PIK3C2A: variants seen among roughly 807,000 people sequenced by gnomAD.
PIK3C2A encodes the protein phosphatidylinositol 4-phosphate 3-kinase C2 domain-containing subunit alpha.
In PIK3C2A, 97 loss-of-function variants were observed where a neutral mutation model predicts 204.5. The observed-to-expected ratio is 0.47, with a 90% CI of 0.40 to 0.56. The LOEUF is 0.56. PIK3C2A is among the 20% of genes least tolerant of loss of function. The probability of loss-of-function intolerance (pLI) is 0.00; values close to 1 mark genes in which losing one functional copy is unlikely to be tolerated. For synonymous variants in PIK3C2A, 653 were observed against 664.4 expected (o/e 0.98, Z 0.26); for missense variants, 1,735 against 1,969.2 (o/e 0.88, Z 2.25).
rs913112185 is a variant in PIK3C2A at position 17,129,450 on chromosome 11, T to C, written c.2249A>G (p.Gln750Arg). ...KWDELIIFPI[Q>R]ISQLPLESVL... ...TGATTCTAATGGCAATTGTGATATCTGGATAGGAAAAATGATTCTATGGGG... is the reference window on the plus strand; with the variant it reads ...TGATTCTAATGGCAATTGTGATATCCGGATAGGAAAAATGATTCTATGGGG... The change falls in exon 13 of 33, where the codon CAG (glutamine) becomes CGG (arginine). Residue 750 changes from glutamine to arginine, a missense_variant. This residue lies in a region of PIK3C2A where 567 missense variants were observed against 576.0 expected (regional missense o/e 0.98). Coordinates refer to ENST00000691414, the MANE Select transcript of PIK3C2A (RefSeq NM_002645.4). 2 of 1,603,236 alleles carry C rather than the reference T, an allele frequency of 1.2e-6. No individual in the cohort carries two copies. Among genetic ancestry groups the C allele is most frequent in the African/African-American group, 1.3e-5 (1 of 74,754 alleles).
At chr11:17,139,006 C>G (rs1279319892) in intron 8 of PIK3C2A, among the ~76,000 whole-genome samples, 1 of 151,858 alleles carries the variant, frequency 6.6e-6, no homozygotes, top group African/African-American at 2.4e-5. Flanking sequence ...CTCCCAGGTT[C>G]AAGCGTTTCT....
chr11:17,106,033 C>T (rs1021825993), intron 22 of PIK3C2A, among the ~76,000 whole-genome samples: 1 of 151,692 alleles, frequency 6.6e-6, no homozygotes, highest in Non-Finnish European at 1.5e-5. Flanking sequence ...CCCTTGAACC[C>T]AGGAGGCAGA....
At chr11:17,180,644 A>C (rs753134971) in intron 1 of PIK3C2A, among the ~76,000 whole-genome samples, 27 of 152,100 alleles carry the variant, frequency 1.8e-4, no homozygotes, top group Non-Finnish European at 3.5e-4. Context: ...CGACATGGAG[A>C]AACCCCATCT....
intron 12 of PIK3C2A, among the ~76,000 whole-genome samples, chr11:17,130,629 A>T (rs1325557427): frequency 6.6e-6 from 1 of 151,122 alleles, no homozygotes; most frequent in Non-Finnish European, 1.5e-5. Context: ...ACATGGCAAA[A>T]CCCCTTTTCT....
rs766792332 is a variant in PIK3C2A, at chr11:17,150,576, T to A, written c.1249A>T (p.Ile417Leu). The change falls in exon 4 of 33, where the codon ATA (isoleucine) becomes TTA (leucine). Residue 417 changes from isoleucine to leucine, a missense_variant. Transcript: ENST00000691414. ...LLSPVTAQRN[I>L]CGENASVKVS... The stretch of plus-strand genomic sequence containing the variant: ...TTCACACTAGCATTTTCTCCGCATA[T>A]GTTTCTTTGTGCTGTGACTGGACTT... The A allele has an allele frequency of 2.5e-6, 4 of 1,612,140 alleles. No homozygotes were observed. In the South Asian group the frequency reaches 3.3e-5, roughly 13 times the overall value.
chr11:17,102,604 C>T (rs1848675095), intron 24 of PIK3C2A, 58 bp downstream of exon 24: 1 of 1,415,762 alleles, frequency 7.1e-7, no homozygotes, highest in South Asian at 1.3e-5. Context: ...TTGAGACAAA[C>T]TTTAATTTGT....
intron 3 of PIK3C2A, among the ~76,000 whole-genome samples, chr11:17,152,248 T>G (rs1295778980): frequency 6.6e-6 from 1 of 152,184 alleles, no homozygotes; most frequent in Non-Finnish European, 1.5e-5. Flanking sequence ...AGAAATGTTT[T>G]TATAATGAGT....
At chr11:17,125,217 CT>C (rs1430644572) in intron 13 of PIK3C2A, among the ~76,000 whole-genome samples, 1 of 152,122 alleles carries the variant, frequency 6.6e-6, no homozygotes, top group African/African-American at 2.4e-5. Context: ...ATGATCACTG[CT>C]TACATCAATG....
intron 13 of PIK3C2A, among the ~76,000 whole-genome samples, chr11:17,125,681 T>C (rs1051964647): frequency 1.3e-5 from 2 of 152,082 alleles, no homozygotes; most frequent in Admixed American, 6.6e-5. Context: ...TACCTGGCTA[T>C]AACTTTTTTG....
intron 15 of PIK3C2A, 54 bp from the exon 16 acceptor site, chr11:17,120,028 C>A: frequency 1.4e-6 from 1 of 718,370 alleles, no homozygotes; most frequent in Non-Finnish European, 2.2e-6. Context: ...ATGATATAAT[C>A]TCAATGATTA....
intron 2 of PIK3C2A, 71 bp downstream of exon 2, chr11:17,168,606 C>A: frequency 8.8e-7 from 1 of 1,132,624 alleles, no homozygotes. Context: ...AACAAAAAAA[C>A]ACAAATTATG....
intron 13 of PIK3C2A, among the ~76,000 whole-genome samples, chr11:17,127,398 T>C (rs1388422871): frequency 1.3e-5 from 2 of 152,058 alleles, no homozygotes; most frequent in Non-Finnish European, 2.9e-5. Flanking sequence ...AACCTCTGCC[T>C]CCCAGCCTCA....
rs574709766 is a variant in PIK3C2A, at chr11:17,198,815, A to C, written c.-66+9033T>G. On this transcript the variant is annotated intron_variant, in intron 1 of 32. Transcript: ENST00000691414. ...AAGACCTCATAAAAAACAAAACAAA[A>C]CAAAAAAAAAAAGCCACCTTAGTCT... 2.8e-4 allele frequency among the ~76,000 whole-genome samples: 27 copies of C among 97,560 alleles called. No individual in the cohort carries two copies. The South Asian group carries it at 4.3e-3, about 16-fold the overall frequency. 64.0% of individuals were successfully genotyped at this position (97,560 alleles called of 152,430 possible).
intron 24 of PIK3C2A, among the ~76,000 whole-genome samples, chr11:17,101,748 G>C (rs144322892): frequency 0.049 from 7,353 of 151,546 alleles, 242 homozygotes; most frequent in Middle Eastern, 0.082. Flanking sequence ...GGACCACAGG[G>C]GCCCGCCACC....
At chr11:17,194,379 G>T in intron 1 of PIK3C2A, 1 of 231,690 alleles carries the variant, frequency 4.3e-6, no homozygotes. Flanking sequence ...CATGGGGCTG[G>T]GGTCCTCACC....
rs115464319 is a variant in PIK3C2A at position 17,153,260 on chromosome 11, C to T, written c.1169+2266G>A. 2.7e-3 allele frequency among the ~76,000 whole-genome samples: 414 copies of T among 152,074 alleles called. 3 individuals are homozygous for T. The highest frequency in any genetic ancestry group is 9.7e-3 in the African/African-American group (404 of 41,452). ...CAGCTTGGCCAATGTAGTGAAACCT[C>T]GTTTCTACTAAAAATACAAAAAAAA... On this transcript the variant is annotated intron_variant, in intron 3 of 32. Coordinates refer to ENST00000691414, the MANE Select transcript of PIK3C2A (RefSeq NM_002645.4).
At chr11:17,112,541 T>A in intron 21 of PIK3C2A, 33 bp downstream of exon 21, 1 of 995,044 alleles carries the variant, frequency 1.0e-6, no homozygotes, top group Non-Finnish European at 1.5e-6. Context: ...ATTTCTAAAT[T>A]GCCATTAAAA....
At chr11:17,104,786 C>T (rs886644506) in intron 23 of PIK3C2A, among the ~76,000 whole-genome samples, 3 of 150,896 alleles carry the variant, frequency 2.0e-5, no homozygotes, top group African/African-American at 7.3e-5. Context: ...TGGGACGGGA[C>T]CTGAATTCAA....
chr11:17,201,525 CAAAAAAAAAAAAAAAAAAGA>C lies in PIK3C2A; in HGVS notation c.-66+6303_-66+6322del, dbSNP rs1188380534. On this transcript the variant is annotated intron_variant, in intron 1 of 32. Coordinates refer to ENST00000691414, the MANE Select transcript of PIK3C2A (RefSeq NM_002645.4). Reference sequence around the variant, plus strand: ...CTGGTGAAAGAACGTGACTCCGTCTCAAAAAAAAAAAAAAAAAAGAAAAAAGAAAAAAAAAAAGAAAAGCT... The same window carrying C: ...CTGGTGAAAGAACGTGACTCCGTCTCAAAAAGAAAAAAAAAAAGAAAAGCT... Among the ~76,000 whole-genome samples, 3 of 29,004 alleles carry C rather than the reference CAAAAAAAAAAAAAAAAAAGA, an allele frequency of 1.0e-4. 1 individual carries two copies. Among genetic ancestry groups the C allele is most frequent in the African/African-American group, 3.7e-4 (3 of 8,040 alleles). 19.0% of individuals were successfully genotyped at this position (29,004 alleles called of 152,430 possible).
Sources: gnomAD v4.1 joint callset for allele counts (sites outside exome capture counted in the v4.1 genomes callset) on GRCh38, gnomAD v4.1.1 for gene constraint, gnomAD v4.1.1 regional missense constraint, MANE v1.5 for transcripts, NCBI Gene and HGNC (gene_info 2026-07-23, HGNC 2026-07-21) for gene names.